Variants in NRXN3 observed in about 807,000 individuals in gnomAD.
NRXN3 encodes the protein neurexin III.
Under a neutral mutation model 137.6 loss-of-function variants are expected in NRXN3, and 32 were observed. That is an observed-to-expected ratio of 0.23 (90% confidence interval 0.18 to 0.31). The LOEUF is 0.31. Among genes scored for constraint, NRXN3 ranks in the 10% least tolerant of loss-of-function variants. The pLI, the probability that NRXN3 is intolerant of heterozygous loss-of-function variation, is 1.00. For missense variants in NRXN3, 1,574 were observed against 2,062.5 expected, an observed-to-expected ratio of 0.76 and a Z score of 4.59; for synonymous variants, 798 against 784.5, an observed-to-expected ratio of 1.02 and a Z score of -0.29.
intron 15 of NRXN3, among the ~76,000 whole-genome samples, chr14:79,245,249 GTA>G (rs1360607095): frequency 1.3e-5 from 2 of 152,184 alleles, no homozygotes; most frequent in Non-Finnish European, 2.9e-5. Flanking sequence ...ATGTGGCCAA[GTA>G]ATAACAGCCA....
intron 17 of NRXN3, 29 bp downstream of exon 17, chr14:79,663,978 TC>T: frequency 6.2e-7 from 1 of 1,605,984 alleles, no homozygotes. Flanking sequence ...ATGGTCCTAC[TC>T]TTTTTGACTC....
At chr14:79,013,943 G>T (rs1405996981) in intron 15 of NRXN3, among the ~76,000 whole-genome samples, 1 of 152,032 alleles carries the variant, frequency 6.6e-6, no homozygotes, top group Non-Finnish European at 1.5e-5. Context: ...ACTGTCATGG[G>T]GTTTACAACA....
At chr14:79,072,046 T>C (rs1218479505) in intron 15 of NRXN3, 3 of 152,174 alleles carry the variant, frequency 2.0e-5, no homozygotes, top group African/African-American at 7.2e-5. Flanking sequence ...CAGAAGATTT[T>C]AACAGGGCCC....
chr14:78,303,327 T>C (rs1402996734), intron 4 of NRXN3, among the ~76,000 whole-genome samples: 1 of 152,166 alleles, frequency 6.6e-6, no homozygotes, highest in African/African-American at 2.4e-5. Context: ...TGGAAGTTAA[T>C]TGGGACTTGG....
chr14:78,732,570 C>T (rs1284297043), intron 8 of NRXN3, among the ~76,000 whole-genome samples: 1 of 152,140 alleles, frequency 6.6e-6, no homozygotes, highest in Non-Finnish European at 1.5e-5. Flanking sequence ...TTTGGTGGTT[C>T]TAATGTATCT....
intron 10 of NRXN3, among the ~76,000 whole-genome samples, chr14:78,909,917 A>G (rs1431942047): frequency 6.6e-6 from 1 of 152,104 alleles, no homozygotes; most frequent in Non-Finnish European, 1.5e-5. Flanking sequence ...TGCATCTACT[A>G]TCCACCTACC....
At chr14:78,770,396 T>C (rs1244789038) in intron 8 of NRXN3, among the ~76,000 whole-genome samples, 1 of 152,186 alleles carries the variant, frequency 6.6e-6, no homozygotes, top group Non-Finnish European at 1.5e-5. Context: ...ATGTCTTCTT[T>C]GGCCAGGTTC....
chr14:79,692,023 G>C, intron 17 of NRXN3, 150 bp from the exon 18 acceptor site: 1 of 584,756 alleles, frequency 1.7e-6, no homozygotes, highest in Non-Finnish European at 2.9e-6. Flanking sequence ...TATCGACCAA[G>C]GGCAGAGTGA....
chr14:78,303,396 A>T (rs2077060038), intron 4 of NRXN3, among the ~76,000 whole-genome samples: 1 of 152,188 alleles, frequency 6.6e-6, no homozygotes, highest in Non-Finnish European at 1.5e-5. Flanking sequence ...ATTTGTTAAC[A>T]TCCAGATGTG....
At chr14:79,484,009 G>A (rs1323199497) in intron 16 of NRXN3, among the ~76,000 whole-genome samples, 1 of 152,142 alleles carries the variant, frequency 6.6e-6, no homozygotes, top group Admixed American at 6.6e-5. Flanking sequence ...TTATCTTCAT[G>A]GTAGTTCAAG....
At chr14:79,690,446 G>A (rs1240035494) in intron 17 of NRXN3, among the ~76,000 whole-genome samples, 2 of 151,952 alleles carry the variant, frequency 1.3e-5, no homozygotes, top group Admixed American at 6.6e-5. Context: ...ATTCCTTGAG[G>A]AAAATTTTAA....
chr14:79,522,078 A>G (rs753058044), intron 16 of NRXN3, among the ~76,000 whole-genome samples: 23 of 152,188 alleles, frequency 1.5e-4, no homozygotes, highest in Non-Finnish European at 2.6e-4. Context: ...GATGATCGTC[A>G]CAGAAACATA....
chr14:79,504,639 T>TATATATATGTATATATG (rs60009832), intron 16 of NRXN3, among the ~76,000 whole-genome samples: 10 of 93,394 alleles, frequency 1.1e-4, no homozygotes, highest in African/African-American at 4.2e-4. Context: ...AAATGAAGTT[T>TATATATATGTATATATG]TTTATATATA....
chr14:79,732,417 G>GA (rs1190511773), intron 19 of NRXN3, among the ~76,000 whole-genome samples: 2 of 152,168 alleles, frequency 1.3e-5, no homozygotes, highest in African/African-American at 4.8e-5. Flanking sequence ...CCGTTTCACA[G>GA]AAGCGGTCCT....
Position 79,861,339 on chromosome 14 carries a change from CAGATA to C in NRXN3, c.4095_4099del (p.Asp1365GlufsTer24). ...TTTTACACCACCTTCTCCTTGGTAA[CAGATA>C]AGAGTCTTTCCACTTCAATCTTCGA... On this transcript the variant is annotated splice_acceptor_variant and coding_sequence_variant, in exon 21 of 21. Coordinates refer to ENST00000335750, the MANE Select transcript of NRXN3 (RefSeq NM_001330195.2). LOFTEE classifies it high-confidence loss of function. The surrounding 1 kb of genome is among the most constrained non-coding windows in gnomAD (Gnocchi z 5.4). The C allele has an allele frequency of 1.3e-6, 2 of 1,536,116 alleles. No homozygotes were observed. The highest frequency in any genetic ancestry group is 1.7e-6 in the Non-Finnish European group (2 of 1,146,912).
intron 16 of NRXN3, among the ~76,000 whole-genome samples, chr14:79,556,903 C>G (rs557850000): frequency 1.3e-5 from 2 of 152,112 alleles, no homozygotes; most frequent in Non-Finnish European, 2.9e-5. Context: ...CTTTGCATAA[C>G]AAAGGCAATT....
intron 6 of NRXN3, among the ~76,000 whole-genome samples, chr14:78,652,904 T>C (rs2097758006): frequency 6.6e-6 from 1 of 152,234 alleles, no homozygotes; most frequent in Non-Finnish European, 1.5e-5. Flanking sequence ...TGAATAAGTA[T>C]AGCATAGGAG....
chr14:79,734,744 A>T (rs943074232), intron 19 of NRXN3, among the ~76,000 whole-genome samples: 9 of 152,156 alleles, frequency 5.9e-5, no homozygotes, highest in Non-Finnish European at 8.8e-5. Flanking sequence ...ATGATTTCTA[A>T]AATCACCCAG....
intron 15 of NRXN3, among the ~76,000 whole-genome samples, chr14:79,243,260 A>G (rs1231651333): frequency 1.3e-5 from 2 of 152,190 alleles, no homozygotes; most frequent in East Asian, 1.9e-4. Flanking sequence ...GATGTCATCT[A>G]TAATATAATT....
Sources: gnomAD v4.1 joint callset for allele counts (sites outside exome capture counted in the v4.1 genomes callset) on GRCh38, gnomAD v4.1.1 for gene constraint, Gnocchi (gnomAD v3.1) non-coding constraint, MANE v1.5 for transcripts, NCBI Gene and HGNC (gene_info 2026-07-23, HGNC 2026-07-21) for gene names.